The following MID2 variants were observed in gnomAD, a reference collection of about 807,000 sequenced individuals.
The protein encoded by MID2 is probable E3 ubiquitin-protein ligase MID2.
Under a neutral mutation model 46.1 loss-of-function variants are expected in MID2, and 13 were observed. The observed-to-expected ratio is 0.28, with a 90% CI of 0.18 to 0.45. MID2 has a LOEUF of 0.45. Among genes scored for constraint, MID2 ranks in the 20% least tolerant of loss-of-function variants. The pLI, the probability that MID2 is intolerant of heterozygous loss-of-function variation, is 1.00. For missense variants in MID2, 431 were observed against 575.4 expected, an observed-to-expected ratio of 0.75 and a Z score of 2.57; for synonymous variants, 199 against 212.3, an observed-to-expected ratio of 0.94 and a Z score of 0.55.
At chrX:107,920,655 A>G (rs141039585) in intron 7 of MID2, among the ~76,000 whole-genome samples, 1 of 112,031 alleles carries the variant, frequency 8.9e-6, no homozygotes, top group East Asian at 2.8e-4. Flanking sequence ...CCACTGACAT[A>G]ATTCAATCAT....
intron 3 of MID2, among the ~76,000 whole-genome samples, chrX:107,861,858 C>G (rs1437268654): frequency 8.9e-6 from 1 of 111,771 alleles, no homozygotes; most frequent in Non-Finnish European, 1.9e-5. Flanking sequence ...CCAGCTTTAT[C>G]TCCAACCCAG....
intron 3 of MID2, among the ~76,000 whole-genome samples, chrX:107,897,795 A>G (rs963558052): frequency 8.9e-6 from 1 of 112,008 alleles, no homozygotes; most frequent in African/African-American, 3.2e-5. Flanking sequence ...TGCCACAGCA[A>G]ATGCTATGTC....
Position 107,826,401 on chromosome X carries a change from G to A in MID2, c.-26G>A. ...AGCCCAGCGCCCTCGAGCGAGCGGA[G>A]GAGATGGCTGGCACCTGGGAACGCT... On this transcript the variant is annotated 5_prime_UTR_variant, in exon 1 of 10. Coordinates refer to ENST00000262843, the MANE Select transcript of MID2 (RefSeq NM_012216.4). 1 of 1,137,374 alleles carries A rather than the reference G, an allele frequency of 8.8e-7. No homozygotes were observed. The highest frequency in any genetic ancestry group is 1.2e-6 in the Non-Finnish European group (1 of 859,249). The allele number at this position is 1,137,374 out of a possible 1,213,427, so 93.7% of individuals were successfully genotyped here.
At chrX:107,860,629 C>T (rs1285414389) in intron 3 of MID2, among the ~76,000 whole-genome samples, 3 of 112,292 alleles carry the variant, frequency 2.7e-5, no homozygotes. Flanking sequence ...GAGGAGATTA[C>T]TGAAGAATGC....
chrX:107,852,631 G>A (rs930985292), intron 2 of MID2, among the ~76,000 whole-genome samples: 10 of 111,702 alleles, frequency 9.0e-5, no homozygotes, highest in African/African-American at 3.3e-4. Flanking sequence ...AGGAAGGGTA[G>A]CAAGGGTTCA....
chrX:107,889,336 C>T (rs1008563121), intron 3 of MID2, among the ~76,000 whole-genome samples: 7 of 111,783 alleles, frequency 6.3e-5, no homozygotes, highest in African/African-American at 2.3e-4. Context: ...AATCTCTCAG[C>T]ATTTGCTCAT....
intron 3 of MID2, among the ~76,000 whole-genome samples, chrX:107,862,204 A>T (rs2147838120): frequency 1.8e-5 from 2 of 111,647 alleles, no homozygotes; most frequent in South Asian, 3.8e-4. Flanking sequence ...GAGGTGTAAT[A>T]GCAGGAACAG....
chrX:107,869,611 A>G (rs1932024616), intron 3 of MID2, among the ~76,000 whole-genome samples: 1 of 111,000 alleles, frequency 9.0e-6, no homozygotes, highest in Admixed American at 9.6e-5. Context: ...GCATTTTTTC[A>G]GGTTTTATTT....
At chrX:107,857,114 A>G (rs1931754423) in intron 3 of MID2, among the ~76,000 whole-genome samples, 1 of 111,661 alleles carries the variant, frequency 9.0e-6, no homozygotes, top group Admixed American at 9.4e-5. Context: ...GAATAGTGAG[A>G]TATTGTTGAG....
At chrX:107,832,323 C>A (rs930827138) in intron 1 of MID2, among the ~76,000 whole-genome samples, 2 of 111,355 alleles carry the variant, frequency 1.8e-5, no homozygotes, top group South Asian at 3.8e-4. Flanking sequence ...ATAACAAATA[C>A]CATGATCAGT....
intron 1 of MID2, among the ~76,000 whole-genome samples, chrX:107,836,324 G>A (rs1217407326): frequency 9.1e-6 from 1 of 110,124 alleles, no homozygotes; most frequent in African/African-American, 3.3e-5. Flanking sequence ...ACACGATCTC[G>A]GCTCAAGCAA....
intron 3 of MID2, among the ~76,000 whole-genome samples, chrX:107,903,476 A>G (rs1342131544): frequency 8.9e-6 from 1 of 112,033 alleles, no homozygotes; most frequent in East Asian, 2.8e-4. Context: ...ATACACATGA[A>G]TATATGTTTA....
At chrX:107,851,602 C>T (rs1931616783) in intron 2 of MID2, among the ~76,000 whole-genome samples, 1 of 110,154 alleles carries the variant, frequency 9.1e-6, no homozygotes, top group South Asian at 3.9e-4. Context: ...TAAATGCAGC[C>T]CTGATTATGC....
chrX:107,830,167 G>A (rs975270214), intron 1 of MID2, among the ~76,000 whole-genome samples: 1 of 112,282 alleles, frequency 8.9e-6, no homozygotes, highest in African/African-American at 3.2e-5. Flanking sequence ...AGAGAATGTT[G>A]TCTTCTCATT....
At chrX:107,857,416 G>T (rs1187817698) in intron 3 of MID2, among the ~76,000 whole-genome samples, 1 of 110,946 alleles carries the variant, frequency 9.0e-6, no homozygotes, top group Non-Finnish European at 1.9e-5. Context: ...GACTAGCTGG[G>T]ATTACAGGCA....
At chrX:107,902,456 G>A (rs769020318) in intron 3 of MID2, among the ~76,000 whole-genome samples, 1 of 111,342 alleles carries the variant, frequency 9.0e-6, no homozygotes, top group African/African-American at 3.3e-5. Flanking sequence ...CCTTGGAAAG[G>A]TAGATCCAAT....
At chrX:107,832,194 T>C (rs1395199586) in intron 1 of MID2, among the ~76,000 whole-genome samples, 3 of 112,219 alleles carry the variant, frequency 2.7e-5, no homozygotes, top group South Asian at 3.7e-4. Flanking sequence ...TGCCAGTCGG[T>C]AATCAGCCTC....
At chrX:107,828,187 C>T (rs1930997437) in intron 1 of MID2, among the ~76,000 whole-genome samples, 1 of 111,466 alleles carries the variant, frequency 9.0e-6, no homozygotes, top group East Asian at 2.8e-4. Flanking sequence ...CATTCGCCTC[C>T]CTCCATGATT....
intron 2 of MID2, among the ~76,000 whole-genome samples, chrX:107,841,967 A>G (rs1205982724): frequency 2.7e-5 from 3 of 112,790 alleles, no homozygotes; most frequent in African/African-American, 9.7e-5. Flanking sequence ...AGCCTTTAAC[A>G]TAGGGCTAAT....
Sources: allele counts gnomAD v4.1 joint callset (sites outside exome capture counted in the v4.1 genomes callset), GRCh38; gene constraint gnomAD v4.1.1; transcripts MANE v1.5; gene names NCBI Gene and HGNC (gene_info 2026-07-23, HGNC 2026-07-21).